The following CNTNAP2 variants were observed in gnomAD, a reference collection of about 807,000 sequenced individuals.
CNTNAP2 encodes the protein contactin associated protein 2.
CNTNAP2 carries 98 observed loss-of-function variants against 155.2 expected under a neutral mutation model. That is an observed-to-expected ratio of 0.63 (90% CI 0.54 to 0.75). The LOEUF (loss-of-function observed/expected upper bound fraction) is 0.75, where lower values mean the gene tolerates loss of function less well. Ranked by LOEUF, CNTNAP2 falls within the 30% of genes least tolerant of loss-of-function variation. The probability of loss-of-function intolerance (pLI) is 0.00; values close to 1 mark genes in which losing one functional copy is unlikely to be tolerated. For missense variants in CNTNAP2, 1,727 were observed against 1,688.1 expected (o/e 1.02, Z -0.40); for synonymous variants, 651 against 631.2 (o/e 1.03, Z -0.47).
At chr7:147,382,844 G>A (rs767493819) in intron 9 of CNTNAP2, among the ~76,000 whole-genome samples, 3 of 152,176 alleles carry the variant, frequency 2.0e-5, no homozygotes, top group Non-Finnish European at 4.4e-5. Flanking sequence ...GAATGATGTA[G>A]TACATTGTCA....
chr7:147,053,563 G>T (rs1799508985), intron 4 of CNTNAP2, among the ~76,000 whole-genome samples: 1 of 151,978 alleles, frequency 6.6e-6, no homozygotes, highest in Admixed American at 6.6e-5. Flanking sequence ...AACTTTCAAA[G>T]TTAAACTGAC....
At chr7:147,902,570 CA>C (rs202071641) in intron 13 of CNTNAP2, among the ~76,000 whole-genome samples, 1,671 of 152,258 alleles carry the variant, frequency 0.011, 87 homozygotes, top group Admixed American at 0.091. Flanking sequence ...CCCACCCTTT[CA>C]CCCTGAGTCC....
intron 1 of CNTNAP2, among the ~76,000 whole-genome samples, chr7:146,539,258 A>G (rs781689473): frequency 1.2e-4 from 18 of 152,078 alleles, no homozygotes; most frequent in Admixed American, 7.2e-4. Context: ...TGCTTCTTAC[A>G]GCACTTAAGC....
intron 8 of CNTNAP2, among the ~76,000 whole-genome samples, chr7:147,240,905 C>T (rs1359915842): frequency 6.6e-6 from 1 of 152,032 alleles, no homozygotes; most frequent in African/African-American, 2.4e-5. Context: ...TATATTTGAG[C>T]CTTTTGGATT....
chr7:146,779,873 C>T (rs549683129), intron 2 of CNTNAP2, among the ~76,000 whole-genome samples: 127 of 152,298 alleles, frequency 8.3e-4, no homozygotes, highest in African/African-American at 3.0e-3. Flanking sequence ...TTAATAATCA[C>T]TTATCAAAGG....
intron 9 of CNTNAP2, among the ~76,000 whole-genome samples, chr7:147,337,613 G>T (rs976616844): frequency 6.6e-6 from 1 of 152,130 alleles, no homozygotes; most frequent in Admixed American, 6.6e-5. Flanking sequence ...GTCATGAAAA[G>T]GAGTGATTCT....
At chr7:147,468,689 C>G (rs969113159) in intron 10 of CNTNAP2, among the ~76,000 whole-genome samples, 1 of 152,156 alleles carries the variant, frequency 6.6e-6, no homozygotes, top group Admixed American at 6.5e-5. Context: ...ACTTGAAAGT[C>G]AGCAGCCTGA....
intron 3 of CNTNAP2, among the ~76,000 whole-genome samples, chr7:146,906,675 A>G (rs1305510678): frequency 1.3e-5 from 2 of 152,150 alleles, no homozygotes; most frequent in Admixed American, 6.5e-5. Flanking sequence ...CAAAGACCAA[A>G]AGTAGATAAA....
At chr7:147,393,699 A>C (rs1488970865) in intron 9 of CNTNAP2, among the ~76,000 whole-genome samples, 2 of 151,968 alleles carry the variant, frequency 1.3e-5, no homozygotes, top group African/African-American at 4.8e-5. Context: ...ATGCGAATGA[A>C]AAAAATGTGG....
At position 146,331,172 on chromosome 7, in the gene CNTNAP2, C is replaced by T. The variant is rs574850774; in HGVS notation, c.97+214199C>T. Among the ~76,000 whole-genome samples, 18 of 151,750 alleles carry T rather than the reference C, an allele frequency of 1.2e-4. No homozygotes were observed. In the East Asian group the frequency reaches 3.1e-3, roughly 26 times the overall value. Reference sequence around the variant, plus strand: ...ACAAAAAATTAGCCGGGCGTGGTAGCGAGCGCCTGTAGTCCCAGCTACTCG... The same window carrying T: ...ACAAAAAATTAGCCGGGCGTGGTAGTGAGCGCCTGTAGTCCCAGCTACTCG... On this transcript the variant is annotated intron_variant, in intron 1 of 23. Transcript: ENST00000361727.
intron 3 of CNTNAP2, among the ~76,000 whole-genome samples, chr7:146,999,372 TTA>T (rs1231765591): frequency 1.3e-5 from 2 of 152,082 alleles, no homozygotes; most frequent in South Asian, 2.1e-4. Flanking sequence ...ACAAATAATT[TTA>T]GTTATTATTA....
At chr7:147,602,039 T>C (rs1800957080) in intron 12 of CNTNAP2, among the ~76,000 whole-genome samples, 1 of 152,180 alleles carries the variant, frequency 6.6e-6, no homozygotes, top group African/African-American at 2.4e-5. Context: ...TATTTTATAA[T>C]TGTTGCAGTA....
chr7:146,885,264 C>A (rs576191408), intron 3 of CNTNAP2, among the ~76,000 whole-genome samples: 4 of 152,200 alleles, frequency 2.6e-5, no homozygotes, highest in African/African-American at 7.2e-5. Context: ...AAAAAACCTG[C>A]AGCTTACATC....
intron 1 of CNTNAP2, among the ~76,000 whole-genome samples, chr7:146,380,024 T>C (rs1449553621): frequency 6.6e-6 from 1 of 152,202 alleles, no homozygotes; most frequent in Admixed American, 6.5e-5. Context: ...AACAAGAAAG[T>C]GTATTCTCTT....
At position 146,310,296 on chromosome 7, in the gene CNTNAP2, C is replaced by T. The variant is rs144808314; in HGVS notation, c.97+193323C>T. 3.0e-3 allele frequency among the ~76,000 whole-genome samples: 460 copies of T among 152,248 alleles called. 4 individuals carry two copies. Among genetic ancestry groups the T allele is most frequent in the African/African-American group, 0.011 (437 of 41,556 alleles). ...TTACCTATCATTGTTACCCACTACACAGAAGCTATTATTTATGTTGATATT... is the reference window on the plus strand; with the variant it reads ...TTACCTATCATTGTTACCCACTACATAGAAGCTATTATTTATGTTGATATT... On this transcript the variant is annotated intron_variant, in intron 1 of 23. Coordinates refer to ENST00000361727, the MANE Select transcript of CNTNAP2 (RefSeq NM_014141.6).
intron 1 of CNTNAP2, among the ~76,000 whole-genome samples, chr7:146,690,526 CAA>C (rs1800680484): frequency 6.6e-6 from 1 of 152,004 alleles, no homozygotes; most frequent in African/African-American, 2.4e-5. Context: ...TCACAATTAC[CAA>C]AGATTTAAAT....
chr7:148,142,252 A>G (rs1395139134), intron 16 of CNTNAP2, among the ~76,000 whole-genome samples: 1 of 152,028 alleles, frequency 6.6e-6, no homozygotes, highest in Non-Finnish European at 1.5e-5. Flanking sequence ...TTAGGAACAT[A>G]GATGAACTCT....
At chr7:146,196,564 GGAGA>G (rs148762442) in intron 1 of CNTNAP2, among the ~76,000 whole-genome samples, 12 of 147,328 alleles carry the variant, frequency 8.1e-5, no homozygotes, top group Admixed American at 2.0e-4. Context: ...AGGGAGGGAG[GGAGA>G]GAGAGAGAGA....
At chr7:148,339,802 G>C (rs1798196150) in intron 21 of CNTNAP2, among the ~76,000 whole-genome samples, 1 of 152,142 alleles carries the variant, frequency 6.6e-6, no homozygotes, top group African/African-American at 2.4e-5. Context: ...AGCGCTTTTG[G>C]TCAAAAAATT....
Sources: allele counts gnomAD v4.1 joint callset (sites outside exome capture counted in the v4.1 genomes callset), GRCh38; gene constraint gnomAD v4.1.1; transcripts MANE v1.5; gene names NCBI Gene and HGNC (gene_info 2026-07-23, HGNC 2026-07-21).